The following RBFOX1 variants were observed in gnomAD, a reference collection of about 807,000 sequenced individuals.
The protein encoded by RBFOX1 is RNA binding fox-1 homolog 1, also known as RNA binding protein fox-1 homolog 1.
Under a neutral mutation model 57.7 loss-of-function variants are expected in RBFOX1, and 8 were observed. The ratio of observed to expected loss-of-function variants is 0.14; its 90% CI spans 0.08 to 0.25. RBFOX1 has a LOEUF of 0.25. RBFOX1 is among the 10% of genes least tolerant of loss of function. RBFOX1 has a pLI of 1.00. For missense variants in RBFOX1, 611 were observed against 548.5 expected, an observed-to-expected ratio of 1.11 and a Z score of -1.14; for synonymous variants, 326 against 222.4, an observed-to-expected ratio of 1.47 and a Z score of -4.15.
intron 1 of RBFOX1, among the ~76,000 whole-genome samples, chr16:6,131,665 A>G (rs147748341): frequency 1.3e-5 from 2 of 152,332 alleles, no homozygotes; most frequent in East Asian, 1.9e-4. Context: ...CTCTTTGGTC[A>G]TAAAGGTATT....
intron 4 of RBFOX1, among the ~76,000 whole-genome samples, chr16:7,153,619 G>A (rs2076511665): frequency 6.6e-6 from 1 of 151,506 alleles, no homozygotes; most frequent in South Asian, 2.1e-4. Flanking sequence ...GGGGGGAGGG[G>A]GGCGCCTATA....
chr16:6,085,313 C>G (rs1258596762), intron 1 of RBFOX1, among the ~76,000 whole-genome samples: 1 of 152,192 alleles, frequency 6.6e-6, no homozygotes, highest in African/African-American at 2.4e-5. Context: ...GCTCTTGTTG[C>G]CCAGGCTGAA....
chr16:6,698,610 C>G (rs1395886631), intron 3 of RBFOX1, among the ~76,000 whole-genome samples: 1 of 152,146 alleles, frequency 6.6e-6, no homozygotes, highest in Non-Finnish European at 1.5e-5. Context: ...TCTAACATGC[C>G]ACTTCTCCAT....
intron 4 of RBFOX1, among the ~76,000 whole-genome samples, chr16:7,140,590 T>C (rs2073491010): frequency 6.6e-6 from 1 of 152,158 alleles, no homozygotes; most frequent in Non-Finnish European, 1.5e-5. Context: ...TTCTATTTTT[T>C]TAAAGGAATG....
chr16:5,968,730 C>G (rs899026803), intron 4 of RBFOX1, among the ~76,000 whole-genome samples: 1 of 151,812 alleles, frequency 6.6e-6, no homozygotes, highest in African/African-American at 2.4e-5. Context: ...ATGTGTGATT[C>G]CATTAATTTT....
chr16:5,724,909 C>G (rs1458681886), intron 3 of RBFOX1, among the ~76,000 whole-genome samples: 1 of 152,194 alleles, frequency 6.6e-6, no homozygotes, highest in Non-Finnish European at 1.5e-5. Context: ...GTGATTCCTG[C>G]CACGTAGTGA....
intron 3 of RBFOX1, among the ~76,000 whole-genome samples, chr16:6,668,462 C>G (rs17140891): frequency 0.015 from 2,311 of 152,222 alleles, 34 homozygotes; most frequent in African/African-American, 0.048. Flanking sequence ...TGCCTGTTTT[C>G]CTTATGTTTT....
At chr16:5,246,692 A>G (rs1350053932) in intron 1 of RBFOX1, among the ~76,000 whole-genome samples, 2 of 143,178 alleles carry the variant, frequency 1.4e-5, no homozygotes, top group African/African-American at 2.7e-5. Context: ...TTTTTTTTTG[A>G]GACAATCTCA....
chr16:7,661,049 T>C (rs1333334667), intron 12 of RBFOX1, among the ~76,000 whole-genome samples: 1 of 152,190 alleles, frequency 6.6e-6, no homozygotes, highest in Non-Finnish European at 1.5e-5. Context: ...TGATCCATGG[T>C]AAGTGTTCTG....
chr16:7,274,832 G>C (rs1017626432), intron 4 of RBFOX1, among the ~76,000 whole-genome samples: 1 of 151,924 alleles, frequency 6.6e-6, no homozygotes, highest in African/African-American at 2.4e-5. Flanking sequence ...TTACAGGTGT[G>C]TGCCACCACA....
intron 4 of RBFOX1, among the ~76,000 whole-genome samples, chr16:7,387,417 G>T (rs79217926): frequency 0.065 from 9,867 of 152,150 alleles, 392 homozygotes; most frequent in East Asian, 0.2. Flanking sequence ...TCACTGGATC[G>T]TACTGACATG....
chr16:6,864,198 C>A (rs1007874260), intron 3 of RBFOX1, among the ~76,000 whole-genome samples: 1 of 152,096 alleles, frequency 6.6e-6, no homozygotes, highest in African/African-American at 2.4e-5. Flanking sequence ...ATAAATAATT[C>A]ACTTTTTTCT....
intron 4 of RBFOX1, among the ~76,000 whole-genome samples, chr16:7,415,098 G>T (rs574286757): frequency 1.5e-4 from 23 of 152,200 alleles, no homozygotes; most frequent in Non-Finnish European, 2.8e-4. Flanking sequence ...GTCATTAGCA[G>T]TACCAACTGT....
chr16:7,220,039 A>G (rs186725426), intron 4 of RBFOX1, among the ~76,000 whole-genome samples: 1 of 152,162 alleles, frequency 6.6e-6, no homozygotes, highest in Non-Finnish European at 1.5e-5. Context: ...TTAAAATTAA[A>G]GGTGTCTTAA....
At chr16:6,894,670 G>A (rs1417885040) in intron 3 of RBFOX1, among the ~76,000 whole-genome samples, 1 of 152,158 alleles carries the variant, frequency 6.6e-6, no homozygotes, top group African/African-American at 2.4e-5. Flanking sequence ...AGAAAAATAA[G>A]AAACTGATAG....
chr16:6,575,575 G>C (rs559859824), intron 2 of RBFOX1, among the ~76,000 whole-genome samples: 2 of 151,988 alleles, frequency 1.3e-5, no homozygotes, highest in African/African-American at 2.4e-5. Context: ...GATTAATAAA[G>C]GGCTAGGCAC....
chr16:6,779,846 TATA>T (rs1356031410), intron 3 of RBFOX1, among the ~76,000 whole-genome samples: 1 of 40,140 alleles, frequency 2.5e-5, no homozygotes, highest in Non-Finnish European at 3.8e-5. Context: ...TATTTATATA[TATA>T]TTTATATATA....
At chr16:6,638,233 A>G (rs2098460549) in intron 2 of RBFOX1, among the ~76,000 whole-genome samples, 1 of 152,164 alleles carries the variant, frequency 6.6e-6, no homozygotes, top group Non-Finnish European at 1.5e-5. Context: ...GAGGGTGGAA[A>G]AACCAGACAA....
At chr16:7,136,736 G>A (rs543380884) in intron 4 of RBFOX1, among the ~76,000 whole-genome samples, 117 of 152,170 alleles carry the variant, frequency 7.7e-4, no homozygotes, top group Non-Finnish European at 1.3e-3. Context: ...GAAAATTATC[G>A]GATAGTGCTA....
Sources: gnomAD v4.1 joint callset for allele counts (sites outside exome capture counted in the v4.1 genomes callset) on GRCh38, gnomAD v4.1.1 for gene constraint, MANE v1.5 for transcripts, NCBI Gene and HGNC (gene_info 2026-07-23, HGNC 2026-07-21) for gene names.